Variants in CRTC1 observed in about 807,000 individuals in gnomAD.
The protein encoded by CRTC1 is CREB regulated transcription coactivator 1.
Under a neutral mutation model 66.1 loss-of-function variants are expected in CRTC1, and 18 were observed. That is an observed-to-expected ratio of 0.27 (90% confidence interval 0.19 to 0.40). The LOEUF is 0.40. Among genes scored for constraint, CRTC1 ranks in the 10% least tolerant of loss-of-function variants. The probability of loss-of-function intolerance (pLI) is 1.00; values close to 1 mark genes in which losing one functional copy is unlikely to be tolerated. For synonymous variants in CRTC1, 416 were observed against 398.8 expected, an observed-to-expected ratio of 1.04 and a Z score of -0.51; for missense variants, 669 against 887.9, an observed-to-expected ratio of 0.75 and a Z score of 3.13.
chr19:18,750,485 C>T (rs956278665), intron 5 of CRTC1, among the ~76,000 whole-genome samples: 7 of 152,318 alleles, frequency 4.6e-5, no homozygotes, highest in African/African-American at 1.2e-4. Flanking sequence ...GGCGTGGAGG[C>T]GGCACCCTGG....
rs989756860 is a variant in CRTC1 at position 18,713,122 on chromosome 19, G to C, written c.126+29294G>C. Among the ~76,000 whole-genome samples, 26 of 152,266 alleles carry C rather than the reference G, an allele frequency of 1.7e-4. 1 individual carries two copies. In the East Asian group the frequency reaches 5.0e-3, roughly 29 times the overall value. ...CACACTATGTGGCGTTTTGTGTCTG[G>C]CCTCTCTCACTCAGCATCGTGTCTT... On this transcript the variant is annotated intron_variant, in intron 1 of 13. Transcript: ENST00000321949.
intron 1 of CRTC1, among the ~76,000 whole-genome samples, chr19:18,684,081 CAG>C (rs1173583582): frequency 6.6e-6 from 1 of 151,848 alleles, no homozygotes; most frequent in Non-Finnish European, 1.5e-5. Flanking sequence ...CCGGAGGAGA[CAG>C]GGGCCTCTAT....
In CRTC1 at chr19:18,781,976, A is replaced by G; in HGVS notation, c.*4594A>G. ...AGGGGACTTAGCCATGGACTTGGCC[A>G]GTAGGCCTGGGGAGGGAGGGCTTTG... On this transcript the variant is annotated 3_prime_UTR_variant, in exon 14 of 14. Coordinates refer to ENST00000321949, the MANE Select transcript of CRTC1 (RefSeq NM_015321.3). The G allele has an allele frequency of 4.4e-6, 1 of 229,842 alleles. No individual in the cohort carries two copies. Among genetic ancestry groups the G allele is most frequent in the East Asian group, 6.2e-5 (1 of 16,190 alleles). The allele number at this position is 229,842 out of a possible 1,614,324, so 14.2% of individuals were successfully genotyped here.
At position 18,741,622 on chromosome 19, in the gene CRTC1, T is replaced by C. The variant is rs2054112806; in HGVS notation, c.127-1288T>C. 6.6e-6 allele frequency among the ~76,000 whole-genome samples: 1 copy of C among 152,124 alleles called. No homozygotes were observed. Among genetic ancestry groups the C allele is most frequent in the African/African-American group, 2.4e-5 (1 of 41,426 alleles). On this transcript the variant is annotated intron_variant, in intron 1 of 13. Coordinates refer to ENST00000321949, the MANE Select transcript of CRTC1 (RefSeq NM_015321.3). The surrounding 1 kb of genome is among the most constrained non-coding windows in gnomAD (Gnocchi z 4.2). ...CACAGCCCGGAGCTGGCCTGTTTCA[T>C]CTGGTGTGACTGCTGGGAGGGACAC...
chr19:18,768,599 G>T lies in CRTC1; in HGVS notation c.1126G>T (p.Ala376Ser). 2.8e-6 allele frequency: 4 copies of T among 1,449,220 alleles called. No homozygotes were observed. Among genetic ancestry groups the T allele is most frequent in the Non-Finnish European group, 2.8e-6 (3 of 1,074,356 alleles). 89.8% of individuals were successfully genotyped at this position (1,449,220 alleles called of 1,614,324 possible). A position where few individuals can be genotyped will look rare whatever the true frequency, so the allele number is the denominator to read the frequency against. Residue 376 changes from alanine to serine, a missense_variant, in exon 10 of 14, where the codon GCG becomes TCG. Physicochemically the swap from Ala to Ser is moderately conservative, Grantham distance 99. Coordinates refer to ENST00000321949, the MANE Select transcript of CRTC1 (RefSeq NM_015321.3). The surrounding 1 kb of genome is among the most constrained non-coding windows in gnomAD (Gnocchi z 5.6). ...CCAGCCCCCGCCGCCTCCTCCACCCGCGTCCCAGCAGCCACCACCCCCGCC... is the reference window on the plus strand; with the variant it reads ...CCAGCCCCCGCCGCCTCCTCCACCCTCGTCCCAGCAGCCACCACCCCCGCC... ...QPQPPPPPPP[A>S]SQQPPPPPPP...
Position 18,768,612 on chromosome 19 carries a change from C to A in CRTC1, c.1139C>A (p.Pro380Gln). 6.6e-7 allele frequency: 1 copy of A among 1,516,120 alleles called. No homozygotes were observed. The highest frequency in any genetic ancestry group is 8.9e-7 in the Non-Finnish European group (1 of 1,118,268). 93.9% of individuals were successfully genotyped at this position (1,516,120 alleles called of 1,614,324 possible). Residue 380 changes from proline (P) to glutamine (Q), a missense_variant, in exon 10 of 14, where the codon CCA (proline) becomes CAA (glutamine). This residue lies in a region of CRTC1 where 241 missense variants were observed against 242.2 expected (regional missense o/e 0.99). Transcript: ENST00000321949. The surrounding 1 kb of genome is among the most constrained non-coding windows in gnomAD (Gnocchi z 5.6). ...CCTCCTCCACCCGCGTCCCAGCAGC[C>A]ACCACCCCCGCCACCCCCACAGGCG... ...PPPPPPASQQ[P>Q]PPPPPPQAPV...
intron 1 of CRTC1, among the ~76,000 whole-genome samples, chr19:18,692,752 G>A (rs2052874577): frequency 6.6e-6 from 1 of 152,140 alleles, no homozygotes; most frequent in Non-Finnish European, 1.5e-5. Context: ...TCAGGAACAG[G>A]CATGGCACTT....
chr19:18,765,028 G>T (rs1244297761), intron 8 of CRTC1, among the ~76,000 whole-genome samples: 1 of 152,226 alleles, frequency 6.6e-6, no homozygotes. Flanking sequence ...GCCACAGGAT[G>T]CCCCACACAC....
At chr19:18,757,934 C>T (rs964629302) in intron 6 of CRTC1, among the ~76,000 whole-genome samples, 4 of 150,590 alleles carry the variant, frequency 2.7e-5, no homozygotes, top group East Asian at 2.0e-4. Flanking sequence ...AGGAGAAAGG[C>T]GTGAACCTGG....
At chr19:18,731,156 T>C (rs549703794) in intron 1 of CRTC1, among the ~76,000 whole-genome samples, 32 of 152,290 alleles carry the variant, frequency 2.1e-4, no homozygotes, top group Admixed American at 1.1e-3. Context: ...CTAATTTTCT[T>C]AGGCTGCCAT....
At chr19:18,713,111 T>C (rs1224704969) in intron 1 of CRTC1, among the ~76,000 whole-genome samples, 2 of 152,074 alleles carry the variant, frequency 1.3e-5, no homozygotes, top group Non-Finnish European at 2.9e-5. Context: ...CTATGTGGCG[T>C]TTTGTGTCTG....
At chr19:18,692,426 C>T (rs1030238085) in intron 1 of CRTC1, among the ~76,000 whole-genome samples, 25 of 152,224 alleles carry the variant, frequency 1.6e-4, no homozygotes, top group African/African-American at 5.8e-4. Context: ...TATGATGAAA[C>T]CCCGTCTCTA....
intron 2 of CRTC1, among the ~76,000 whole-genome samples, chr19:18,743,785 G>T (rs1206007011): frequency 2.0e-5 from 3 of 152,234 alleles, no homozygotes; most frequent in Non-Finnish European, 4.4e-5. Context: ...CCTTGGGCTG[G>T]CCACCACGGT....
intron 6 of CRTC1, among the ~76,000 whole-genome samples, chr19:18,756,266 G>A (rs911498575): frequency 3.4e-5 from 5 of 147,730 alleles, no homozygotes; most frequent in African/African-American, 1.3e-4. Flanking sequence ...CCGGGAGGCA[G>A]AGGTTGCAGT....
intron 1 of CRTC1, among the ~76,000 whole-genome samples, chr19:18,713,906 C>A (rs2053447819): frequency 3.3e-5 from 5 of 152,220 alleles, no homozygotes; most frequent in Admixed American, 3.3e-4. Context: ...CACTGGCAGC[C>A]CGCTCCCCAG....
At chr19:18,753,000 G>C (rs770304389) in intron 5 of CRTC1, among the ~76,000 whole-genome samples, 10 of 150,824 alleles carry the variant, frequency 6.6e-5, no homozygotes, top group Admixed American at 4.0e-4. Context: ...GCACGGTGGC[G>C]CACACCTGTA....
chr19:18,717,041 G>T (rs762877953), intron 1 of CRTC1, among the ~76,000 whole-genome samples: 1 of 152,212 alleles, frequency 6.6e-6, no homozygotes, highest in Non-Finnish European at 1.5e-5. Flanking sequence ...GTGCATGCAC[G>T]TGCATGAATG....
intron 9 of CRTC1, among the ~76,000 whole-genome samples, chr19:18,766,699 G>A (rs947588535): frequency 1.3e-5 from 2 of 152,120 alleles, no homozygotes; most frequent in African/African-American, 4.8e-5. Flanking sequence ...TGCCCACCTC[G>A]GCCTCCCAAA....
In CRTC1 at chr19:18,779,152, C is replaced by T; in HGVS notation, c.*1770C>T. On this transcript the variant is annotated 3_prime_UTR_variant, in exon 14 of 14. Transcript: ENST00000321949. ...TCTCGCTCGCTCCTGCCTGCCGGGA[C>T]AGCGCCTTCTGCTGAGTCCGTTTAT... The T allele has an allele frequency of 4.3e-6, 1 of 232,804 alleles. No homozygotes were observed. Among genetic ancestry groups the T allele is most frequent in the East Asian group, 6.1e-5 (1 of 16,490 alleles). 14.4% of individuals were successfully genotyped at this position (232,804 alleles called of 1,614,324 possible).
Sources: allele counts gnomAD v4.1 joint callset (sites outside exome capture counted in the v4.1 genomes callset), GRCh38; gene constraint gnomAD v4.1.1; regional missense constraint gnomAD v4.1.1; non-coding constraint Gnocchi (gnomAD v3.1); transcripts MANE v1.5; gene names NCBI Gene and HGNC (gene_info 2026-07-23, HGNC 2026-07-21).